BMX: variants seen among roughly 807,000 people sequenced by gnomAD.
The protein encoded by BMX is cytoplasmic tyrosine-protein kinase BMX.
Under a neutral mutation model 59.2 loss-of-function variants are expected in BMX, and 31 were observed. The observed-to-expected ratio is 0.52, with a 90% confidence interval of 0.39 to 0.71. BMX has a LOEUF of 0.71. BMX is among the 30% of genes least tolerant of loss of function. BMX has a pLI of 0.00. For missense variants in BMX, 474 were observed against 491.7 expected (o/e 0.96, Z 0.34); for synonymous variants, 185 against 181.0 (o/e 1.02, Z -0.18).
chrX:15,506,206 GA>G (rs1263843251), intron 1 of BMX, among the ~76,000 whole-genome samples: 7 of 111,712 alleles, frequency 6.3e-5, no homozygotes, highest in African/African-American at 2.3e-4. Flanking sequence ...GCCTAGGTGT[GA>G]AAGTTCTATA....
Position 15,556,292 on chromosome X carries a change from G to A in BMX, c.*145G>A. ...TTGTCTATTATTTAGAAATGAACAAGGCAGGAAACAAAAGATTCCCTTGAA... is the reference window on the plus strand; with the variant it reads ...TTGTCTATTATTTAGAAATGAACAAAGCAGGAAACAAAAGATTCCCTTGAA... On this transcript the variant is annotated 3_prime_UTR_variant, in exon 19 of 19. Coordinates refer to ENST00000348343, the MANE Select transcript of BMX (RefSeq NM_203281.3). 2.0e-6 allele frequency: 1 copy of A among 509,776 alleles called. No individual in the cohort carries two copies. The highest frequency in any genetic ancestry group is 3.0e-6 in the Non-Finnish European group (1 of 337,905). The allele number at this position is 509,776 out of a possible 1,213,427, so 42.0% of individuals were successfully genotyped here.
intron 4 of BMX, 81 bp downstream of exon 4, chrX:15,511,599 G>A (rs996986806): frequency 2.3e-5 from 18 of 780,866 alleles, no homozygotes; most frequent in Middle Eastern, 7.3e-4. Flanking sequence ...CTTGGTGGAG[G>A]AAAGACATGG....
intron 7 of BMX, among the ~76,000 whole-genome samples, chrX:15,522,849 A>T (rs1924532432): frequency 8.9e-6 from 1 of 111,951 alleles, no homozygotes; most frequent in Admixed American, 9.4e-5. Context: ...TTCTCCCCCC[A>T]AATATCTCCA....
intron 6 of BMX, among the ~76,000 whole-genome samples, chrX:15,518,994 A>G (rs1924306610): frequency 8.9e-6 from 1 of 112,049 alleles, no homozygotes; most frequent in African/African-American, 3.2e-5. Context: ...AAGAAAACAA[A>G]CAAAACCTTG....
At chrX:15,542,563 G>GAAA (rs111734465) in intron 15 of BMX, among the ~76,000 whole-genome samples, 7 of 100,660 alleles carry the variant, frequency 7.0e-5, no homozygotes, top group African/African-American at 2.5e-4. Flanking sequence ...AACTGAACAT[G>GAAA]AAAAAAAAAA....
chrX:15,545,472 G>A (rs1052582835), intron 16 of BMX, among the ~76,000 whole-genome samples: 4 of 112,415 alleles, frequency 3.6e-5, no homozygotes, highest in Non-Finnish European at 7.5e-5. Context: ...GGGAGGGGCC[G>A]CACGCACAGT....
At chrX:15,521,240 A>G (rs1045053651) in intron 6 of BMX, among the ~76,000 whole-genome samples, 12 of 112,004 alleles carry the variant, frequency 1.1e-4, no homozygotes, top group African/African-American at 3.6e-4. Context: ...GTAGTTGCTA[A>G]CCTGATTTAT....
intron 6 of BMX, among the ~76,000 whole-genome samples, chrX:15,519,001 C>G (rs1170189250): frequency 8.9e-6 from 1 of 111,819 alleles, no homozygotes; most frequent in Non-Finnish European, 1.9e-5. Flanking sequence ...CAAACAAAAC[C>G]TTGATTGCTC....
intron 1 of BMX, among the ~76,000 whole-genome samples, chrX:15,502,527 T>A (rs1311415789): frequency 1.8e-5 from 2 of 111,957 alleles, no homozygotes; most frequent in Non-Finnish European, 3.8e-5. Context: ...CTTCCCAAAG[T>A]GTCTGGTTTT....
At chrX:15,541,819 G>T (rs1332498546) in intron 14 of BMX, among the ~76,000 whole-genome samples, 163 bp from the exon 15 acceptor site, 1 of 110,916 alleles carries the variant, frequency 9.0e-6, no homozygotes, top group African/African-American at 3.3e-5. Flanking sequence ...AGATAATTGT[G>T]CTTGAAATAT....
intron 14 of BMX, among the ~76,000 whole-genome samples, chrX:15,538,562 C>A (rs959051675): frequency 8.9e-6 from 1 of 112,028 alleles, no homozygotes; most frequent in African/African-American, 3.2e-5. Flanking sequence ...TCTCTAAGCA[C>A]TTTACAAATA....
intron 15 of BMX, 116 bp downstream of exon 15, chrX:15,542,314 C>T (rs1270515899): frequency 1.1e-5 from 7 of 630,224 alleles, no homozygotes; most frequent in Non-Finnish European, 1.7e-5. Context: ...ACTTTGCTCA[C>T]TTGTGACTTG....
chrX:15,511,701 A>T (rs778413330), intron 4 of BMX, among the ~76,000 whole-genome samples, 183 bp downstream of exon 4: 1 of 111,242 alleles, frequency 9.0e-6, no homozygotes, highest in East Asian at 2.9e-4. Flanking sequence ...TTGCTTTCTC[A>T]TTGTTACATA....
Position 15,512,514 on chromosome X carries a change from C to T in BMX, c.325+996C>T, listed in dbSNP as rs1056758592. 7.2e-5 allele frequency among the ~76,000 whole-genome samples: 8 copies of T among 111,445 alleles called. No homozygotes were observed. The East Asian group carries it at 1.1e-3, about 16-fold the overall frequency. Reference sequence around the variant, plus strand: ...TAAAAAGGTTTAGCAACCCATTCTGCGGGTAGCAAGTGGTCCACTGGGGGA... The same window carrying T: ...TAAAAAGGTTTAGCAACCCATTCTGTGGGTAGCAAGTGGTCCACTGGGGGA... On this transcript the variant is annotated intron_variant, in intron 4 of 18. Transcript: ENST00000348343.
intron 4 of BMX, among the ~76,000 whole-genome samples, chrX:15,512,597 G>A (rs1260659313): frequency 2.7e-5 from 3 of 111,680 alleles, no homozygotes; most frequent in Non-Finnish European, 3.8e-5. Context: ...AACCCCTCTA[G>A]AGTTAGACAC....
At position 15,546,911 on chromosome X, in the gene BMX, A is replaced by G. The variant is rs1252864109; in HGVS notation, c.1785A>G (p.Val595=). The change falls in exon 17 of 19, where the codon GTA becomes GTG. Residue 595 remains valine (V), a synonymous_variant. Transcript: ENST00000348343. ...TCAAATACAGCAGCAAGTCAGACGT[A>G]TGGGCATTTGGTAAGGATGTGGCCA... The part of the protein sequence containing the change: ...HYFKYSSKSD[V]WAFGILMWEV... The G allele has an allele frequency of 5.0e-6, 6 of 1,204,158 alleles. No individual in the cohort carries two copies. Among genetic ancestry groups the G allele is most frequent in the Non-Finnish European group, 6.7e-6 (6 of 890,152 alleles).
At chrX:15,506,760 A>G (rs1203568766) in intron 1 of BMX, among the ~76,000 whole-genome samples, 1 of 112,395 alleles carries the variant, frequency 8.9e-6, no homozygotes, top group Non-Finnish European at 1.9e-5. Flanking sequence ...ATCACTGGGC[A>G]AAGAAACCAG....
intron 18 of BMX, among the ~76,000 whole-genome samples, chrX:15,552,141 A>G (rs745338158): frequency 8.9e-6 from 1 of 112,603 alleles, no homozygotes; most frequent in South Asian, 3.6e-4. Context: ...GGATTTGTTT[A>G]TACACATTTT....
chrX:15,554,382 C>T lies in BMX; in HGVS notation c.1954-1691C>T, dbSNP rs186245660. On this transcript the variant is annotated intron_variant, in intron 18 of 18. Transcript: ENST00000348343. The stretch of plus-strand genomic sequence containing the variant: ...CATTATGAGGTTGAGCCTCTTTTCA[C>T]GTTTTTAAGGGTCATTTTGTGTCTT... Among the ~76,000 whole-genome samples, 187 of 111,528 alleles carry T rather than the reference C, an allele frequency of 1.7e-3. 1 individual carries two copies. The highest frequency in any genetic ancestry group is 2.6e-3 in the Non-Finnish European group (139 of 53,064).
Sources: allele counts gnomAD v4.1 joint callset (sites outside exome capture counted in the v4.1 genomes callset), GRCh38; gene constraint gnomAD v4.1.1; transcripts MANE v1.5; gene names NCBI Gene and HGNC (gene_info 2026-07-23, HGNC 2026-07-21).